PLA2G10: variants seen among roughly 807,000 people sequenced by gnomAD.
PLA2G10 encodes the protein group 10 secretory phospholipase A2.
PLA2G10 carries 9 observed loss-of-function variants against 7.9 expected under a neutral mutation model. The ratio of observed to expected loss-of-function variants is 1.14; its 90% CI spans 0.68 to 1.98. The LOEUF (loss-of-function observed/expected upper bound fraction) is 1.98, where lower values mean the gene tolerates loss of function less well. PLA2G10 is among the 30% of genes most tolerant of loss of function. The pLI, the probability that PLA2G10 is intolerant of heterozygous loss-of-function variation, is 0.00. For synonymous variants in PLA2G10, 19 were observed against 27.5 expected (o/e 0.69, Z 0.97); for missense variants, 53 against 65.4 (o/e 0.81, Z 0.66).
chr16:14,679,670 A>AT (rs1027430328), intron 3 of PLA2G10, among the ~76,000 whole-genome samples: 9 of 149,892 alleles, frequency 6.0e-5, no homozygotes, highest in African/African-American at 2.2e-4. Flanking sequence ...CAAAAAAAAA[A>AT]AAAAATAATA....
intron 3 of PLA2G10, among the ~76,000 whole-genome samples, chr16:14,679,132 G>A (rs985427078): frequency 2.0e-5 from 3 of 152,106 alleles, no homozygotes; most frequent in African/African-American, 7.2e-5. Context: ...CCTGCTTTTT[G>A]TTATTGGGGC....
intron 3 of PLA2G10, 90 bp from the exon 4 acceptor site, chr16:14,672,839 T>TG: frequency 7.7e-7 from 1 of 1,292,858 alleles, no homozygotes; most frequent in Non-Finnish European, 1.1e-6. Flanking sequence ...GGGTCATAAA[T>TG]TACATTTCTG....
At chr16:14,686,988 A>C (rs927442414) in intron 3 of PLA2G10, among the ~76,000 whole-genome samples, 2 of 151,942 alleles carry the variant, frequency 1.3e-5, no homozygotes, top group African/African-American at 4.8e-5. Context: ...GGCACCTGTA[A>C]TCTCAGCTAC....
intron 3 of PLA2G10, among the ~76,000 whole-genome samples, chr16:14,674,791 C>G (rs1467562781): frequency 6.6e-6 from 1 of 151,942 alleles, no homozygotes; most frequent in Non-Finnish European, 1.5e-5. Flanking sequence ...CAGCATGGTA[C>G]TAATATAAAA....
intron 3 of PLA2G10, among the ~76,000 whole-genome samples, chr16:14,685,504 T>C (rs1276319924): frequency 6.6e-6 from 1 of 152,034 alleles, no homozygotes; most frequent in African/African-American, 2.4e-5. Flanking sequence ...AGAAAACTGG[T>C]AACCTGGTAA....
chr16:14,672,600 A>C lies in PLA2G10; in HGVS notation c.*7T>G, dbSNP rs776877289. 1.2e-6 allele frequency: 2 copies of C among 1,613,682 alleles called. No individual in the cohort carries two copies. The highest frequency in any genetic ancestry group is 2.2e-5 in the South Asian group (2 of 91,044). On this transcript the variant is annotated 3_prime_UTR_variant, in exon 4 of 4. Coordinates refer to ENST00000438167, the MANE Select transcript of PLA2G10 (RefSeq NM_003561.3). ...CTTGTGCAAAAGAGCATTTCAAGTC[A>C]AGGTAGTCAGTCACACTTGGGCGAG...
At chr16:14,685,983 T>C (rs1261979690) in intron 3 of PLA2G10, among the ~76,000 whole-genome samples, 1 of 148,040 alleles carries the variant, frequency 6.8e-6, no homozygotes, top group Non-Finnish European at 1.5e-5. Flanking sequence ...TCTTTTTTTC[T>C]TTACTCTTTT....
intron 3 of PLA2G10, among the ~76,000 whole-genome samples, chr16:14,682,319 G>T (rs1420346243): frequency 1.3e-5 from 2 of 152,066 alleles, no homozygotes; most frequent in African/African-American, 4.8e-5. Flanking sequence ...GCGGTGGCTC[G>T]TGCCTGTAAT....
At chr16:14,675,741 C>A (rs1197597019) in intron 3 of PLA2G10, among the ~76,000 whole-genome samples, 3 of 151,596 alleles carry the variant, frequency 2.0e-5, no homozygotes, top group Non-Finnish European at 4.4e-5. Context: ...GAGTTCGAGA[C>A]CAGCCTAGCC....
chr16:14,687,745 T>C (rs149977646), intron 3 of PLA2G10, among the ~76,000 whole-genome samples: 4,613 of 149,346 alleles, frequency 0.031, 140 homozygotes, highest in Admixed American at 0.077. Context: ...GCCTGTAATC[T>C]CAGCACTTTG....
At chr16:14,679,085 A>G (rs1413130493) in intron 3 of PLA2G10, among the ~76,000 whole-genome samples, 1 of 151,966 alleles carries the variant, frequency 6.6e-6, no homozygotes, top group South Asian at 2.1e-4. Context: ...TCTCACCCCA[A>G]CCACTCTCAG....
chr16:14,679,030 C>G (rs1316538909), intron 3 of PLA2G10, among the ~76,000 whole-genome samples: 1 of 152,102 alleles, frequency 6.6e-6, no homozygotes, highest in Non-Finnish European at 1.5e-5. Flanking sequence ...GCTGTCTCCT[C>G]TGTTCCTCAG....
intron 3 of PLA2G10, among the ~76,000 whole-genome samples, chr16:14,685,713 G>C (rs1007622338): frequency 2.0e-5 from 3 of 152,014 alleles, no homozygotes; most frequent in Non-Finnish European, 4.4e-5. Flanking sequence ...TGTTGTTTTT[G>C]AGACAGAGTC....
chr16:14,675,206 G>A (rs1960694443), intron 3 of PLA2G10, among the ~76,000 whole-genome samples: 1 of 150,892 alleles, frequency 6.6e-6, no homozygotes, highest in Non-Finnish European at 1.5e-5. Context: ...AACATAAATT[G>A]GGGAAATGAC....
At chr16:14,680,114 T>C (rs1960848394) in intron 3 of PLA2G10, among the ~76,000 whole-genome samples, 1 of 151,442 alleles carries the variant, frequency 6.6e-6, no homozygotes. Context: ...TTTTTTTTTT[T>C]TTGAAACAGA....
Position 14,672,745 on chromosome 16 carries a change from C to T in PLA2G10, c.360G>A (p.Pro120=), listed in dbSNP as rs149977312. The change falls in exon 4 of 4, where the codon CCG becomes CCA. Residue 120 remains proline, a synonymous_variant. Transcript: ENST00000438167. ...QCVNQSVLCG[P]AENKCQELLC... ...ACAGTTCTTGGCATTTGTTCTCTGC[C>T]GGTCCTGGAAGAAGTGGGGAAACTG... 240 of 1,613,628 alleles carry T rather than the reference C, an allele frequency of 1.5e-4. 2 individuals carry two copies. The Middle Eastern group carries it at 5.8e-3, about 39-fold the overall frequency.
chr16:14,678,669 C>T, intron 3 of PLA2G10: 1 of 378,832 alleles, frequency 2.6e-6, no homozygotes, highest in Non-Finnish European at 5.3e-6. Flanking sequence ...ACTCAGGAGG[C>T]TGAGGTGCGA....
At chr16:14,678,553 G>A (rs78388984) in intron 3 of PLA2G10, 6 of 231,908 alleles carry the variant, frequency 2.6e-5, no homozygotes, top group East Asian at 3.3e-4. Context: ...TGGGTCACCC[G>A]AGGTCAGAAA....
At chr16:14,681,461 G>A (rs1199739690) in intron 3 of PLA2G10, among the ~76,000 whole-genome samples, 3 of 151,800 alleles carry the variant, frequency 2.0e-5, no homozygotes, top group Non-Finnish European at 2.9e-5. Flanking sequence ...CAAAGATTCC[G>A]CCAACAGCAA....
Sources: gnomAD v4.1 joint callset for allele counts (sites outside exome capture counted in the v4.1 genomes callset) on GRCh38, gnomAD v4.1.1 for gene constraint, MANE v1.5 for transcripts, NCBI Gene and HGNC (gene_info 2026-07-23, HGNC 2026-07-21) for gene names.